PDE1C: variants seen among roughly 807,000 people sequenced by gnomAD.
The protein encoded by PDE1C is phosphodiesterase 1C.
In PDE1C, 62 loss-of-function variants were observed where a neutral mutation model predicts 93.1. That is an observed-to-expected ratio of 0.67 (90% confidence interval 0.54 to 0.82). The LOEUF is 0.82. Among genes scored for constraint, PDE1C ranks in the 40% least tolerant of loss-of-function variants. The pLI is 0.00. For synonymous variants in PDE1C, 325 were observed against 310.1 expected, an observed-to-expected ratio of 1.05 and a Z score of -0.50; for missense variants, 742 against 884.6, an observed-to-expected ratio of 0.84 and a Z score of 2.04.
chr7:31,740,502 A>G, the PDE1C span, among the ~76,000 whole-genome samples: 2 of 152,188 alleles, frequency 1.3e-5, no homozygotes, highest in Non-Finnish European at 2.9e-5. Context: ...GTAGTTTCCA[A>G]TTCTTCACTT....
the PDE1C span, among the ~76,000 whole-genome samples, chr7:31,721,736 T>C: frequency 6.6e-6 from 1 of 152,210 alleles, no homozygotes; most frequent in Non-Finnish European, 1.5e-5. Context: ...GTTCAACCCA[T>C]GTACAACCAC....
intron 2 of PDE1C, among the ~76,000 whole-genome samples, chr7:31,964,925 A>T (rs1809666992): frequency 6.6e-6 from 1 of 152,234 alleles, no homozygotes; most frequent in Non-Finnish European, 1.5e-5. Flanking sequence ...ACTAACAAAC[A>T]GAAAGGACAT....
intron 2 of PDE1C, among the ~76,000 whole-genome samples, chr7:32,204,554 T>C (rs529855766): frequency 3.9e-5 from 6 of 152,296 alleles, no homozygotes; most frequent in Middle Eastern, 3.4e-3. Flanking sequence ...TTACGTCCTC[T>C]AGAGGAGAGG....
intron 2 of PDE1C, among the ~76,000 whole-genome samples, chr7:31,982,050 C>G (rs909407853): frequency 6.6e-6 from 1 of 152,222 alleles, no homozygotes; most frequent in African/African-American, 2.4e-5. Flanking sequence ...CAATTCACTG[C>G]TATCTGCATG....
chr7:32,200,282 TC>T (rs1804917348), intron 2 of PDE1C, among the ~76,000 whole-genome samples: 1 of 152,226 alleles, frequency 6.6e-6, no homozygotes, highest in Non-Finnish European at 1.5e-5. Flanking sequence ...CATGAGAATA[TC>T]TTATGACTTG....
intron 2 of PDE1C, among the ~76,000 whole-genome samples, chr7:31,923,747 G>A (rs1181833518): frequency 6.6e-6 from 1 of 152,154 alleles, no homozygotes; most frequent in Non-Finnish European, 1.5e-5. Context: ...GCAGACATGG[G>A]AGGATTGCCT....
downstream of PDE1C, among the ~76,000 whole-genome samples, chr7:31,746,793 C>T (rs1383647601): frequency 6.6e-6 from 1 of 151,928 alleles, no homozygotes; most frequent in Non-Finnish European, 1.5e-5. Flanking sequence ...CCCACATGGA[C>T]TATGCTGTCG....
chr7:32,320,325 T>C (rs1783263795), intron 1 of PDE1C, among the ~76,000 whole-genome samples: 1 of 151,896 alleles, frequency 6.6e-6, no homozygotes, highest in Non-Finnish European at 1.5e-5. Flanking sequence ...GGAAAACAGG[T>C]AGAACTGGGG....
intron 11 of PDE1C, among the ~76,000 whole-genome samples, chr7:31,836,907 C>A (rs536093551): frequency 1.3e-5 from 2 of 151,856 alleles, no homozygotes; most frequent in African/African-American, 4.8e-5. Flanking sequence ...AAGAACCCCT[C>A]AAATGACATT....
At chr7:32,065,714 C>A (rs1315151075) in intron 1 of PDE1C, among the ~76,000 whole-genome samples, 1 of 152,200 alleles carries the variant, frequency 6.6e-6, no homozygotes, top group Non-Finnish European at 1.5e-5. Flanking sequence ...AAAGAAAACA[C>A]AGAGAGGGCT....
the PDE1C span, chr7:31,651,166 A>G: frequency 1.9e-6 from 3 of 1,613,534 alleles, no homozygotes; most frequent in Non-Finnish European, 2.5e-6. Context: ...GATGGAAGCC[A>G]TGAAGACGAT....
intron 2 of PDE1C, among the ~76,000 whole-genome samples, chr7:31,884,183 T>C (rs142034020): frequency 4.9e-4 from 74 of 152,226 alleles, no homozygotes; most frequent in African/African-American, 1.6e-3. Flanking sequence ...GACATTCACC[T>C]TTCTTTACTC....
intron 16 of PDE1C, among the ~76,000 whole-genome samples, chr7:31,805,879 T>C (rs1204313689): frequency 6.6e-6 from 1 of 151,886 alleles, no homozygotes; most frequent in Non-Finnish European, 1.5e-5. Flanking sequence ...TCATTTCATT[T>C]ATTTCCTGGC....
At chr7:31,870,640 C>T (rs4720049) in intron 6 of PDE1C, among the ~76,000 whole-genome samples, 18,208 of 151,942 alleles carry the variant, frequency 0.12, 1,575 homozygotes, top group East Asian at 0.25. Flanking sequence ...AAGTCTAGGA[C>T]CAGATGGCTT....
At chr7:31,873,572 C>T (rs1022738166) in intron 5 of PDE1C, among the ~76,000 whole-genome samples, 164 bp from the exon 6 acceptor site, 19 of 152,148 alleles carry the variant, frequency 1.2e-4, no homozygotes, top group African/African-American at 4.6e-4. Flanking sequence ...GGCTAGTCTA[C>T]ATAGTATCTA....
the PDE1C span, among the ~76,000 whole-genome samples, chr7:31,736,868 G>A: frequency 2.0e-5 from 3 of 152,176 alleles, no homozygotes; most frequent in East Asian, 3.8e-4. Flanking sequence ...TCAGGCATCT[G>A]CAAAGTAGCC....
chr7:31,992,314 G>A (rs748231271), intron 2 of PDE1C, among the ~76,000 whole-genome samples: 3 of 152,238 alleles, frequency 2.0e-5, no homozygotes, highest in Non-Finnish European at 2.9e-5. Flanking sequence ...TGTTCCTAAA[G>A]AGGATACCAG....
At chr7:31,898,410 C>T (rs759813415) in intron 2 of PDE1C, among the ~76,000 whole-genome samples, 6 of 152,078 alleles carry the variant, frequency 3.9e-5, no homozygotes, top group Non-Finnish European at 8.8e-5. Context: ...TATGCTTTAA[C>T]ACTTAATGTA....
chr7:32,133,073 T>G (rs550799648), intron 3 of PDE1C, among the ~76,000 whole-genome samples: 19 of 152,148 alleles, frequency 1.2e-4, no homozygotes, highest in African/African-American at 4.6e-4. Flanking sequence ...ATTAGAAGTA[T>G]TAAATAAAAA....
Sources: allele counts gnomAD v4.1 joint callset (sites outside exome capture counted in the v4.1 genomes callset), GRCh38; gene constraint gnomAD v4.1.1; transcripts MANE v1.5; gene names NCBI Gene and HGNC (gene_info 2026-07-23, HGNC 2026-07-21).